The following MCPH1 variants were observed in gnomAD, a reference collection of about 807,000 sequenced individuals.
MCPH1 encodes the protein microcephalin 1.
A neutral mutation model predicts 84.5 loss-of-function variants in MCPH1; 104 were observed. That is an observed-to-expected ratio of 1.23 (90% CI 1.05 to 1.45). The LOEUF (loss-of-function observed/expected upper bound fraction) is 1.45. MCPH1 is among the 40% of genes most tolerant of loss of function. The pLI is 0.00. For missense variants in MCPH1, 1,498 were observed against 1,005.7 expected (o/e 1.49, Z -6.62); for synonymous variants, 514 against 366.8 (o/e 1.40, Z -4.58).
intron 9 of MCPH1, among the ~76,000 whole-genome samples, chr8:6,471,671 T>C (rs2129558619): frequency 6.6e-6 from 1 of 152,330 alleles, no homozygotes; most frequent in Admixed American, 6.5e-5. Flanking sequence ...GGGTTAGCAG[T>C]CTCATGAATC....
intron 9 of MCPH1, among the ~76,000 whole-genome samples, chr8:6,469,205 A>AT (rs954136989): frequency 6.6e-6 from 1 of 152,124 alleles, no homozygotes; most frequent in African/African-American, 2.4e-5. Flanking sequence ...AAACTTAAAG[A>AT]TTTTAGTCTC....
chr8:6,618,305 T>G (rs528318863), intron 12 of MCPH1, among the ~76,000 whole-genome samples: 11 of 152,356 alleles, frequency 7.2e-5, no homozygotes, highest in African/African-American at 2.6e-4. Flanking sequence ...TTTTAAAATG[T>G]ACCAGTGTGG....
intron 12 of MCPH1, among the ~76,000 whole-genome samples, chr8:6,516,876 C>A (rs1816369640): frequency 6.6e-6 from 1 of 152,056 alleles, no homozygotes; most frequent in Non-Finnish European, 1.5e-5. Context: ...AAGTCAGAGG[C>A]AAAACTCTTA....
intron 2 of MCPH1, among the ~76,000 whole-genome samples, chr8:6,412,783 C>T (rs139900250): frequency 6.6e-6 from 1 of 152,104 alleles, no homozygotes; most frequent in African/African-American, 2.4e-5. Flanking sequence ...TCTTAATTGC[C>T]TTGATAGCTC....
chr8:6,530,424 G>A lies in MCPH1; in HGVS notation c.2214+30495G>A, dbSNP rs558576525. ...CGCGGGAGGCTAAGGCACGAGAATC[G>A]CTTGAACCCGGGAGGTGGAGGTTGC... On this transcript the variant is annotated intron_variant, in intron 12 of 13. Coordinates refer to ENST00000344683, the MANE Select transcript of MCPH1 (RefSeq NM_024596.5). Among the ~76,000 whole-genome samples, 6 of 149,652 alleles carry A rather than the reference G, an allele frequency of 4.0e-5. No homozygotes were observed. In the East Asian group the frequency reaches 5.9e-4, roughly 15 times the overall value.
At chr8:6,483,703 T>A (rs1222672676) in intron 11 of MCPH1, among the ~76,000 whole-genome samples, 1 of 151,874 alleles carries the variant, frequency 6.6e-6, no homozygotes, top group Admixed American at 6.6e-5. Context: ...CTACCAAAAA[T>A]AAAAAAACTA....
chr8:6,437,729 GTGCAATCGTCCT>G (rs1477429397), intron 5 of MCPH1, among the ~76,000 whole-genome samples: 8 of 152,122 alleles, frequency 5.3e-5, no homozygotes, highest in Non-Finnish European at 1.2e-4. Context: ...AGCCAGAAAC[GTGCAATCGTCCT>G]TGACATCTCC....
At chr8:6,410,232 C>T (rs967083160) in intron 2 of MCPH1, among the ~76,000 whole-genome samples, 2 of 151,840 alleles carry the variant, frequency 1.3e-5, no homozygotes, top group African/African-American at 2.4e-5. Context: ...CCTCGGCCTC[C>T]CAAAGTGCTG....
At chr8:6,530,231 G>A (rs1408727137) in intron 12 of MCPH1, among the ~76,000 whole-genome samples, 1 of 152,062 alleles carries the variant, frequency 6.6e-6, no homozygotes, top group East Asian at 1.9e-4. Context: ...ATGGTGGCCA[G>A]GTACGGTGGC....
At chr8:6,466,141 T>C (rs1418809841) in intron 9 of MCPH1, among the ~76,000 whole-genome samples, 28 of 143,448 alleles carry the variant, frequency 2.0e-4, no homozygotes, top group African/African-American at 5.9e-4. Flanking sequence ...TTTTTTTTTT[T>C]TTTTTTTTTT....
chr8:6,621,521 C>T lies in MCPH1; in HGVS notation c.2282C>T (p.Ala761Val), dbSNP rs1057090. 0.42 allele frequency: 675,289 copies of T among 1,613,234 alleles called. 143,781 individuals are homozygous for T. The highest frequency in any genetic ancestry group is 0.68 in the East Asian group (30,310 of 44,862). Residue 761 changes from alanine (A) to valine (V), a missense_variant, in exon 13 of 14, where the codon GCG (alanine) becomes GTG (valine). Ala to Val is a moderately conservative substitution (Grantham distance 64). Transcript: ENST00000344683. ...GGAACCCTCTTTGCCGACCAGCCAG[C>T]GATGTTTGTCTCGCCTGCCAGCAGC... ...YRGTLFADQP[A>V]MFVSPASSPP... is the part of the protein sequence containing the mutation.
intron 12 of MCPH1, among the ~76,000 whole-genome samples, chr8:6,520,184 T>C (rs1382164004): frequency 6.6e-6 from 1 of 152,166 alleles, no homozygotes; most frequent in Non-Finnish European, 1.5e-5. Flanking sequence ...AAAAGATTAA[T>C]ACTTACTTTT....
intron 12 of MCPH1, among the ~76,000 whole-genome samples, chr8:6,579,035 C>T (rs1289955598): frequency 6.6e-6 from 1 of 152,212 alleles, no homozygotes; most frequent in African/African-American, 2.4e-5. Context: ...GAATAGAATA[C>T]TGAGGCCCTG....
chr8:6,608,345 C>T (rs1284191856), intron 12 of MCPH1, among the ~76,000 whole-genome samples: 3 of 152,196 alleles, frequency 2.0e-5, no homozygotes, highest in Non-Finnish European at 4.4e-5. Context: ...AGGAGAAATG[C>T]GTTGAGAATT....
chr8:6,422,015 TC>T (rs1800278423), intron 3 of MCPH1, among the ~76,000 whole-genome samples: 1 of 152,254 alleles, frequency 6.6e-6, no homozygotes, highest in African/African-American at 2.4e-5. Context: ...GCTTCCTCTG[TC>T]CCCAGTTCAC....
At chr8:6,428,187 G>C (rs1801341081) in intron 3 of MCPH1, among the ~76,000 whole-genome samples, 1 of 151,594 alleles carries the variant, frequency 6.6e-6, no homozygotes, top group African/African-American at 2.4e-5. Flanking sequence ...AAAATACATT[G>C]TACAACAGTA....
At position 6,499,988 on chromosome 8, in the gene MCPH1, A is replaced by G. The variant is rs548121577; in HGVS notation, c.2214+59A>G. 2.8e-6 allele frequency: 4 copies of G among 1,441,088 alleles called. No individual in the cohort carries two copies. In the African/African-American group the frequency reaches 5.6e-5, roughly 20 times the overall value. The allele number at this position is 1,441,088 out of a possible 1,614,324, so 89.3% of individuals were successfully genotyped here. On this transcript the variant is annotated intron_variant, in intron 12 of 13. Transcript: ENST00000344683. ...AGTTTGCTGTTCTCAAGAAATTATT[A>G]TAAACATAAGGGTGGACTTAAGTTT... is the stretch of plus-strand genomic sequence containing the variant.
chr8:6,573,992 T>A (rs1317436770), intron 12 of MCPH1, among the ~76,000 whole-genome samples: 1 of 152,246 alleles, frequency 6.6e-6, no homozygotes, highest in Non-Finnish European at 1.5e-5. Flanking sequence ...ACTTTCATCA[T>A]GGGTCTCAAA....
chr8:6,643,362 T>G lies in MCPH1; in HGVS notation c.*313T>G. 2.7e-6 allele frequency: 1 copy of G among 371,558 alleles called. No individual in the cohort carries two copies. The highest frequency in any genetic ancestry group is 5.0e-6 in the Non-Finnish European group (1 of 198,750). 23.0% of individuals were successfully genotyped at this position (371,558 alleles called of 1,614,324 possible). A position where few individuals can be genotyped will look rare whatever the true frequency, so the allele number is the denominator to read the frequency against. Reference sequence around the variant, plus strand: ...TCACTGCAACCTCCACCTCCCAGGTTCAAGCGATTCTGCTGCCTCAGCCTC... The same window carrying G: ...TCACTGCAACCTCCACCTCCCAGGTGCAAGCGATTCTGCTGCCTCAGCCTC... On this transcript the variant is annotated 3_prime_UTR_variant, in exon 14 of 14. Coordinates refer to ENST00000344683, the MANE Select transcript of MCPH1 (RefSeq NM_024596.5).
Sources: gnomAD v4.1 joint callset for allele counts (sites outside exome capture counted in the v4.1 genomes callset) on GRCh38, gnomAD v4.1.1 for gene constraint, MANE v1.5 for transcripts, NCBI Gene and HGNC (gene_info 2026-07-23, HGNC 2026-07-21) for gene names.